ZNF664: variants seen among roughly 807,000 people sequenced by gnomAD.
The protein encoded by ZNF664 is zinc finger protein 664.
A neutral mutation model predicts 18.2 loss-of-function variants in ZNF664; 10 were observed. That is an observed-to-expected ratio of 0.55 (90% confidence interval 0.34 to 0.93). ZNF664 has a LOEUF of 0.93. Ranked by LOEUF, ZNF664 falls within the 40% of genes least tolerant of loss-of-function variation. ZNF664 has a pLI of 0.02. For synonymous variants in ZNF664, 119 were observed against 104.2 expected (o/e 1.14, Z -0.86); for missense variants, 193 against 319.0 (o/e 0.61, Z 3.01).
At chr12:124,001,449 G>A (rs554614529) in intron 3 of ZNF664, among the ~76,000 whole-genome samples, 1 of 152,290 alleles carries the variant, frequency 6.6e-6, no homozygotes, top group African/African-American at 2.4e-5. Flanking sequence ...ATCTGGCACT[G>A]AGCGTCTCCA....
intron 3 of ZNF664, among the ~76,000 whole-genome samples, chr12:124,004,209 A>G (rs897966800): frequency 6.6e-6 from 1 of 152,218 alleles, no homozygotes; most frequent in African/African-American, 2.4e-5. Context: ...CCATGGAAAC[A>G]GTGATGATGA....
intron 3 of ZNF664, among the ~76,000 whole-genome samples, chr12:124,009,885 CT>C (rs11337740): frequency 0.33 from 46,822 of 143,576 alleles, 7,455 homozygotes; most frequent in Middle Eastern, 0.38. Flanking sequence ...TATTGTGTAC[CT>C]TTTTTTTTTT....
Position 123,973,254 on chromosome 12 carries a change from G to C in ZNF664, c.-990G>C, listed in dbSNP as rs943503794. 30 of 997,406 alleles carry C rather than the reference G, an allele frequency of 3.0e-5. No homozygotes were observed. The highest frequency in any genetic ancestry group is 3.5e-5 in the Non-Finnish European group (29 of 840,428). 61.8% of individuals were successfully genotyped at this position (997,406 alleles called of 1,614,324 possible). On this transcript the variant is annotated 5_prime_UTR_variant, in exon 1 of 5. Transcript: ENST00000337815. Reference sequence around the variant, plus strand: ...AGGCGTCTGGGTGTGCGGAGCGCGCGCGCGCGCGGCTCGGAGGCGCACCTG... The same window carrying C: ...AGGCGTCTGGGTGTGCGGAGCGCGCCCGCGCGCGGCTCGGAGGCGCACCTG...
In ZNF664 at chr12:123,973,360, C is replaced by T; in HGVS notation, c.-892+8C>T. 1 of 961,360 alleles carries T rather than the reference C, an allele frequency of 1.0e-6. No homozygotes were observed. The highest frequency in any genetic ancestry group is 1.2e-6 in the Non-Finnish European group (1 of 816,212). 59.6% of individuals were successfully genotyped at this position (961,360 alleles called of 1,614,324 possible). On this transcript the variant is annotated splice_region_variant and intron_variant, in intron 1 of 4. Coordinates refer to ENST00000337815, the MANE Select transcript of ZNF664 (RefSeq NM_152437.3). Reference sequence around the variant, plus strand: ...TGACTCCCCTCACTTGGAGTGAGTTCTCGGCGGCCGGGCTGCAGTCTTTCT... The same window carrying T: ...TGACTCCCCTCACTTGGAGTGAGTTTTCGGCGGCCGGGCTGCAGTCTTTCT...
At chr12:123,983,498 C>T (rs1956790731) in intron 2 of ZNF664, among the ~76,000 whole-genome samples, 1 of 152,074 alleles carries the variant, frequency 6.6e-6, no homozygotes, top group Non-Finnish European at 1.5e-5. Context: ...AGGTTATTTC[C>T]ATATCTTATT....
Position 124,002,747 on chromosome 12 carries a change from T to A in ZNF664, c.-660-8634T>A, listed in dbSNP as rs899245541. 1.2e-4 allele frequency among the ~76,000 whole-genome samples: 18 copies of A among 151,776 alleles called. No homozygotes were observed. The East Asian group carries it at 3.5e-3, about 29-fold the overall frequency. On this transcript the variant is annotated intron_variant, in intron 3 of 4. Transcript: ENST00000337815. ...AGGAAGGAACAGTTTGAGGGGAGAT[T>A]TGGTTTGGAAATGTGGTTGTAGTGC...
chr12:123,974,181 G>A, intron 2 of ZNF664, 161 bp downstream of exon 2: 1 of 444,188 alleles, frequency 2.3e-6, no homozygotes, highest in African/African-American at 2.0e-5. Context: ...CCATCTCTCC[G>A]CCACATCACC....
chr12:123,995,826 G>A (rs34114498), intron 3 of ZNF664, among the ~76,000 whole-genome samples: 1 of 152,090 alleles, frequency 6.6e-6, no homozygotes, highest in African/African-American at 2.4e-5. Flanking sequence ...TTCAGAGTAC[G>A]TGGAGAGAAG....
Position 124,001,221 on chromosome 12 carries a change from ATT to A in ZNF664, c.-660-10159_-660-10158del, listed in dbSNP as rs540839718. ...CATTGCTTTAGTCCAGATTATGATC[ATT>A]GTTTCCAACCCAAATGACTAAGATG... On this transcript the variant is annotated intron_variant, in intron 3 of 4. Coordinates refer to ENST00000337815, the MANE Select transcript of ZNF664 (RefSeq NM_152437.3). 2.4e-3 allele frequency among the ~76,000 whole-genome samples: 358 copies of A among 152,252 alleles called. 1 individual carries two copies. Among genetic ancestry groups the A allele is most frequent in the Non-Finnish European group, 4.2e-3 (285 of 68,014 alleles).
intron 3 of ZNF664, among the ~76,000 whole-genome samples, chr12:124,008,820 C>T (rs978711869): frequency 8.6e-5 from 13 of 152,024 alleles, no homozygotes; most frequent in East Asian, 5.8e-4. Flanking sequence ...TCCTTTGGCA[C>T]GGCCCTCTTG....
chr12:123,989,302 T>C (rs1956861837), intron 3 of ZNF664: 1 of 152,408 alleles, frequency 6.6e-6, no homozygotes, highest in Admixed American at 6.5e-5. Context: ...GCTGGATTGG[T>C]TTCCAGGTGA....
At chr12:124,000,980 A>AT (rs1957004921) in intron 3 of ZNF664, among the ~76,000 whole-genome samples, 1 of 152,208 alleles carries the variant, frequency 6.6e-6, no homozygotes, top group African/African-American at 2.4e-5. Flanking sequence ...TGTCCTTGAC[A>AT]TCGACTTTTG....
At position 124,012,764 on chromosome 12, in the gene ZNF664, C is replaced by A; in HGVS notation, c.620C>A (p.Ala207Asp). ...KPYRCCGCGK[A>D]FSQSSSLCIH... ...TATAGATGTTGTGGATGTGGGAAGG[C>A]CTTCAGTCAGAGTTCGAGCCTGTGC... Residue 207 changes from alanine to aspartate, a missense_variant, in exon 5 of 5, where the codon GCC becomes GAC. Physicochemically the swap from Ala to Asp is moderately radical, Grantham distance 126 (BLOSUM62 -2). Transcript: ENST00000337815. 6.2e-7 allele frequency: 1 copy of A among 1,612,118 alleles called. No individual in the cohort carries two copies. Among genetic ancestry groups the A allele is most frequent in the Non-Finnish European group, 8.5e-7 (1 of 1,179,102 alleles).
At chr12:123,995,510 T>TTAATACATGA in intron 3 of ZNF664, among the ~76,000 whole-genome samples, 1 of 152,360 alleles carries the variant, frequency 6.6e-6, no homozygotes, top group Non-Finnish European at 1.5e-5. Context: ...CATTTGTTCC[T>TTAATACATGA]TAATACATGA....
rs2138473926 is a variant in ZNF664 at position 124,014,020 on chromosome 12, T to TG, written c.*1093dup. On this transcript the variant is annotated 3_prime_UTR_variant, in exon 5 of 5. Transcript: ENST00000337815. ...ATATGCCAGGCACTGTGCTAGGTGC[T>TG]GGGAATACCACTGATGAGACAGACA... 1 of 167,286 alleles carries TG rather than the reference T, an allele frequency of 6.0e-6. No homozygotes were observed. Among genetic ancestry groups the TG allele is most frequent in the South Asian group, 2.1e-4 (1 of 4,832 alleles). The allele number at this position is 167,286 out of a possible 1,614,324, so 10.4% of individuals were successfully genotyped here.
At chr12:123,995,047 G>C (rs896904515) in intron 3 of ZNF664, among the ~76,000 whole-genome samples, 4 of 152,210 alleles carry the variant, frequency 2.6e-5, no homozygotes, top group African/African-American at 9.6e-5. Flanking sequence ...TGCATACTCA[G>C]TAATCTGAGG....
intron 2 of ZNF664, among the ~76,000 whole-genome samples, chr12:123,979,460 T>C (rs942620255): frequency 6.6e-6 from 1 of 152,222 alleles, no homozygotes; most frequent in Non-Finnish European, 1.5e-5. Flanking sequence ...TCCAAGTTTT[T>C]AGATGGCAAT....
At position 124,013,011 on chromosome 12, in the gene ZNF664, A is replaced by G. The variant is rs1957150778; in HGVS notation, c.*81A>G. The G allele has an allele frequency of 6.8e-7, 1 of 1,479,688 alleles. No homozygotes were observed. The allele number at this position is 1,479,688 out of a possible 1,614,324, so 91.7% of individuals were successfully genotyped here. ...ACCCTGTATATACCTACATTGACCC[A>G]AGAAATATTTACGCAATCCCTAGCA... On this transcript the variant is annotated 3_prime_UTR_variant, in exon 5 of 5. Transcript: ENST00000337815.
At chr12:123,995,061 T>C (rs771651344) in intron 3 of ZNF664, among the ~76,000 whole-genome samples, 2 of 152,070 alleles carry the variant, frequency 1.3e-5, no homozygotes, top group Non-Finnish European at 2.9e-5. Flanking sequence ...TCTGAGGAGG[T>C]TGGGATTACA....
Sources: allele counts gnomAD v4.1 joint callset (sites outside exome capture counted in the v4.1 genomes callset), GRCh38; gene constraint gnomAD v4.1.1; transcripts MANE v1.5; gene names NCBI Gene and HGNC (gene_info 2026-07-23, HGNC 2026-07-21).